Variants in NARS2 observed in about 807,000 individuals in gnomAD.
NARS2 encodes the protein asparaginyl-tRNA synthetase.
In NARS2, 60 loss-of-function variants were observed where a neutral mutation model predicts 62.9. That is an observed-to-expected ratio of 0.95 (90% CI 0.77 to 1.18). The LOEUF (loss-of-function observed/expected upper bound fraction) is 1.18, where lower values mean the gene tolerates loss of function less well. Among genes scored for constraint, NARS2 ranks in the 50% most tolerant of loss-of-function variants. The probability of loss-of-function intolerance (pLI) is 0.00; values close to 1 mark genes in which losing one functional copy is unlikely to be tolerated. For missense variants in NARS2, 619 were observed against 576.4 expected, an observed-to-expected ratio of 1.07 and a Z score of -0.76; for synonymous variants, 196 against 200.0, an observed-to-expected ratio of 0.98 and a Z score of 0.17.
At chr11:78,503,958 T>C (rs986690005) in intron 6 of NARS2, among the ~76,000 whole-genome samples, 1 of 152,184 alleles carries the variant, frequency 6.6e-6, no homozygotes, top group Non-Finnish European at 1.5e-5. Flanking sequence ...GGATGACCTA[T>C]ACAAAAGGCA....
intron 7 of NARS2, among the ~76,000 whole-genome samples, chr11:78,480,873 C>T (rs1032166164): frequency 5.3e-5 from 8 of 151,368 alleles, no homozygotes; most frequent in African/African-American, 1.9e-4. Context: ...GAATGGAGTG[C>T]AGTGGTGCCA....
intron 7 of NARS2, among the ~76,000 whole-genome samples, chr11:78,485,551 T>C (rs917932436): frequency 5.3e-5 from 8 of 152,026 alleles, no homozygotes; most frequent in Non-Finnish European, 1.2e-4. Context: ...CTCCTTTGTC[T>C]CCTGGTTTTG....
At chr11:78,496,332 T>C (rs1435639969) in intron 6 of NARS2, among the ~76,000 whole-genome samples, 3 of 152,168 alleles carry the variant, frequency 2.0e-5, no homozygotes, top group African/African-American at 7.2e-5. Context: ...TATGGAATGA[T>C]CATTATGGGC....
At chr11:78,538,867 C>T (rs1855492203) in intron 5 of NARS2, among the ~76,000 whole-genome samples, 1 of 150,242 alleles carries the variant, frequency 6.7e-6, no homozygotes, top group South Asian at 2.1e-4. Context: ...TGGTGGCGGG[C>T]GCCTGTAGTC....
intron 6 of NARS2, among the ~76,000 whole-genome samples, chr11:78,507,036 T>C (rs1860528028): frequency 1.3e-5 from 2 of 152,004 alleles, no homozygotes; most frequent in Admixed American, 1.3e-4. Context: ...TTGAGGGAGC[T>C]GAGTTGGAGA....
intron 4 of NARS2, 45 bp from the exon 5 acceptor site, chr11:78,559,664 A>T: frequency 7.6e-7 from 1 of 1,308,724 alleles, no homozygotes; most frequent in Non-Finnish European, 1.1e-6. Flanking sequence ...CACATTCAAC[A>T]ATTCCAAGAA....
intron 11 of NARS2, among the ~76,000 whole-genome samples, chr11:78,456,444 C>T (rs1858166547): frequency 6.6e-6 from 1 of 152,104 alleles, no homozygotes; most frequent in Non-Finnish European, 1.5e-5. Context: ...CTCTTTAGTC[C>T]TAGATATGGG....
chr11:78,511,940 A>G (rs896870915), intron 6 of NARS2, among the ~76,000 whole-genome samples: 28 of 152,222 alleles, frequency 1.8e-4, no homozygotes, highest in Non-Finnish European at 3.7e-4. Context: ...TCTGCTACTT[A>G]ATTATTTAAA....
intron 6 of NARS2, among the ~76,000 whole-genome samples, chr11:78,524,882 T>C (rs933463073): frequency 3.9e-5 from 6 of 152,080 alleles, no homozygotes; most frequent in Non-Finnish European, 7.4e-5. Flanking sequence ...TGCCAAAACT[T>C]GGAAACAACC....
At chr11:78,496,802 T>C (rs10899529) in intron 6 of NARS2, among the ~76,000 whole-genome samples, 114,428 of 151,984 alleles carry the variant, frequency 0.75, 43,496 homozygotes, top group Non-Finnish European at 0.82. Flanking sequence ...TTCAAATCCT[T>C]ATAGGAGTAG....
rs532035282 is a variant in NARS2 at position 78,504,417 on chromosome 11, C to G, written c.690-11222G>C. On this transcript the variant is annotated intron_variant, in intron 6 of 13. Transcript: ENST00000281038. Reference sequence around the variant, plus strand: ...GTTTATCCGTCCCTTACACCTGTTTCATGTGGCAAAACACCAGTTTTTTTT... The same window carrying G: ...GTTTATCCGTCCCTTACACCTGTTTGATGTGGCAAAACACCAGTTTTTTTT... Among the ~76,000 whole-genome samples, 5 of 142,116 alleles carry G rather than the reference C, an allele frequency of 3.5e-5. No individual in the cohort carries two copies. In the East Asian group the frequency reaches 6.2e-4, roughly 18 times the overall value. 93.2% of individuals were successfully genotyped at this position (142,116 alleles called of 152,430 possible).
chr11:78,515,557 T>C (rs1311625016), intron 6 of NARS2, among the ~76,000 whole-genome samples: 1 of 152,198 alleles, frequency 6.6e-6, no homozygotes, highest in East Asian at 1.9e-4. Context: ...CTGGTTCTGT[T>C]ACTCTGGCTG....
intron 7 of NARS2, among the ~76,000 whole-genome samples, chr11:78,483,035 T>C (rs1174278298): frequency 6.6e-6 from 1 of 152,134 alleles, no homozygotes; most frequent in African/African-American, 2.4e-5. Context: ...AAAAAGCTTA[T>C]CCACCACGAT....
At chr11:78,556,676 T>C (rs886337498) in intron 5 of NARS2, among the ~76,000 whole-genome samples, 1 of 152,240 alleles carries the variant, frequency 6.6e-6, no homozygotes, top group Admixed American at 6.5e-5. Flanking sequence ...GAATGGCAAA[T>C]GAAAGTCAAT....
chr11:78,465,118 G>A lies in NARS2; in HGVS notation c.1164+758C>T, dbSNP rs574476629. Reference sequence around the variant, plus strand: ...CTGCAGGTCCCGAGCCCTGCCCCACGGGAAGGCAGCTAAGGCCTGGCAGGA... The same window carrying A: ...CTGCAGGTCCCGAGCCCTGCCCCACAGGAAGGCAGCTAAGGCCTGGCAGGA... On this transcript the variant is annotated intron_variant, in intron 11 of 13. Coordinates refer to ENST00000281038, the MANE Select transcript of NARS2 (RefSeq NM_024678.6). Among the ~76,000 whole-genome samples the A allele has an allele frequency of 4.5e-4, 69 of 152,328 alleles. 1 individual carries two copies. Among genetic ancestry groups the A allele is most frequent in the African/African-American group, 1.3e-3 (54 of 41,588 alleles).
chr11:78,494,473 T>C (rs1436724585), intron 6 of NARS2, among the ~76,000 whole-genome samples: 5 of 149,048 alleles, frequency 3.4e-5, no homozygotes, highest in Admixed American at 1.3e-4. Context: ...CTTTTTCTTT[T>C]TTTTTTTTTT....
chr11:78,507,526 T>TTG (rs1860550169), intron 6 of NARS2, among the ~76,000 whole-genome samples: 1 of 150,202 alleles, frequency 6.7e-6, no homozygotes, highest in African/African-American at 2.4e-5. Context: ...TTTATTCTTT[T>TTG]TTTTTTTTTT....
At chr11:78,520,300 G>A (rs1861068045) in intron 6 of NARS2, among the ~76,000 whole-genome samples, 1 of 152,058 alleles carries the variant, frequency 6.6e-6, no homozygotes, top group Non-Finnish European at 1.5e-5. Flanking sequence ...AGCAATCCTA[G>A]GCATCACTCA....
chr11:78,461,973 A>C (rs56275040), intron 11 of NARS2, among the ~76,000 whole-genome samples: 3,862 of 152,190 alleles, frequency 0.025, 165 homozygotes, highest in African/African-American at 0.089. Context: ...GAAAAGAAAG[A>C]AAGCAAAACT....
Sources: gnomAD v4.1 joint callset for allele counts (sites outside exome capture counted in the v4.1 genomes callset) on GRCh38, gnomAD v4.1.1 for gene constraint, MANE v1.5 for transcripts, NCBI Gene and HGNC (gene_info 2026-07-23, HGNC 2026-07-21) for gene names.